RPS6KC1: variants seen among roughly 807,000 people sequenced by gnomAD.
RPS6KC1 encodes the protein ribosomal protein S6 kinase C1.
A neutral mutation model predicts 103.8 loss-of-function variants in RPS6KC1; 54 were observed. The ratio of observed to expected loss-of-function variants is 0.52; its 90% CI spans 0.42 to 0.65. The LOEUF (loss-of-function observed/expected upper bound fraction) is 0.65. RPS6KC1 is among the 30% of genes least tolerant of loss of function. The pLI is 0.00. For missense variants in RPS6KC1, 1,151 were observed against 1,253.8 expected (o/e 0.92, Z 1.24); for synonymous variants, 439 against 438.7 (o/e 1.00, Z -0.01).
chr1:213,741,357 C>T, the RPS6KC1 span, among the ~76,000 whole-genome samples: 1 of 152,090 alleles, frequency 6.6e-6, no homozygotes, highest in Non-Finnish European at 1.5e-5. Flanking sequence ...AATACATCTG[C>T]GTTTGTAGCT....
At chr1:213,741,823 C>T in the RPS6KC1 span, among the ~76,000 whole-genome samples, 106 of 152,116 alleles carry the variant, frequency 7.0e-4, 2 homozygotes, top group South Asian at 0.016. Context: ...CTGCATGACC[C>T]GATGCAGAGC....
chr1:213,723,688 A>G, the RPS6KC1 span, among the ~76,000 whole-genome samples: 1 of 152,162 alleles, frequency 6.6e-6, no homozygotes, highest in Non-Finnish European at 1.5e-5. Flanking sequence ...GACTTTGGGC[A>G]AAGTCAAATT....
chr1:213,685,131 A>G, the RPS6KC1 span, among the ~76,000 whole-genome samples: 2 of 152,154 alleles, frequency 1.3e-5, no homozygotes, highest in Admixed American at 6.5e-5. Context: ...TGTCAACATT[A>G]CATGCTTGAG....
At chr1:213,133,601 AC>A (rs1572736602) in intron 6 of RPS6KC1, among the ~76,000 whole-genome samples, 1 of 152,244 alleles carries the variant, frequency 6.6e-6, no homozygotes, top group East Asian at 1.9e-4. Flanking sequence ...TGTTAGTAAC[AC>A]CCATCTGTGG....
At chr1:213,500,300 A>G in the RPS6KC1 span, among the ~76,000 whole-genome samples, 1 of 152,122 alleles carries the variant, frequency 6.6e-6, no homozygotes, top group Non-Finnish European at 1.5e-5. Context: ...CACCAATATC[A>G]CCATCTTCAT....
the RPS6KC1 span, among the ~76,000 whole-genome samples, chr1:213,758,938 T>C: frequency 1.4e-4 from 19 of 135,996 alleles, no homozygotes; most frequent in African/African-American, 4.9e-4. Context: ...TAAACTTAGT[T>C]GATAAGGCAG....
chr1:213,485,958 T>C, the RPS6KC1 span, among the ~76,000 whole-genome samples: 1 of 152,166 alleles, frequency 6.6e-6, no homozygotes, highest in Non-Finnish European at 1.5e-5. Context: ...CTCTCACCCT[T>C]CTGCTTCCTC....
At chr1:213,257,671 GTGT>G (rs2094680699) in intron 12 of RPS6KC1, among the ~76,000 whole-genome samples, 8 of 151,650 alleles carry the variant, frequency 5.3e-5, no homozygotes, top group Admixed American at 5.3e-4. Context: ...TTATTGCAAT[GTGT>G]ACCTACTGTG....
chr1:213,629,786 CA>C, the RPS6KC1 span, among the ~76,000 whole-genome samples: 524 of 152,230 alleles, frequency 3.4e-3, 8 homozygotes, highest in Non-Finnish European at 2.5e-3. Flanking sequence ...CTGGTGGTGA[CA>C]AAATCTCTCA....
At chr1:213,689,315 C>T in the RPS6KC1 span, among the ~76,000 whole-genome samples, 1 of 152,230 alleles carries the variant, frequency 6.6e-6, no homozygotes, top group Non-Finnish European at 1.5e-5. Flanking sequence ...TTCGGTACTT[C>T]CAAAGCACTA....
the RPS6KC1 span, among the ~76,000 whole-genome samples, chr1:213,725,579 G>A: frequency 6.6e-6 from 1 of 152,184 alleles, no homozygotes; most frequent in Non-Finnish European, 1.5e-5. Flanking sequence ...GAAATCCAGA[G>A]CCCTTTACTC....
At chr1:213,614,131 A>G in the RPS6KC1 span, among the ~76,000 whole-genome samples, 2 of 152,332 alleles carry the variant, frequency 1.3e-5, no homozygotes, top group East Asian at 1.9e-4. Context: ...CGCAGCTACA[A>G]TAGTAGCTGA....
chr1:213,319,830 T>A, the RPS6KC1 span, among the ~76,000 whole-genome samples: 2 of 152,202 alleles, frequency 1.3e-5, no homozygotes, highest in African/African-American at 4.8e-5. Flanking sequence ...AAATCTGGAT[T>A]CTCCTGATTG....
intron 8 of RPS6KC1, among the ~76,000 whole-genome samples, chr1:213,196,722 C>T (rs2092961367): frequency 6.6e-6 from 1 of 152,154 alleles, no homozygotes; most frequent in African/African-American, 2.4e-5. Flanking sequence ...ATCCCAGCAC[C>T]ATTTGTTGAC....
chr1:213,051,545 T>C, intron 1 of RPS6KC1, 36 bp downstream of exon 1: 1 of 1,482,706 alleles, frequency 6.7e-7, no homozygotes, highest in Non-Finnish European at 9.3e-7. Context: ...AGAGCTTGGA[T>C]TGGGACCTGA....
chr1:213,763,475 C>T, the RPS6KC1 span, among the ~76,000 whole-genome samples: 1 of 152,172 alleles, frequency 6.6e-6, no homozygotes, highest in Admixed American at 6.5e-5. Context: ...AAAAGGGTAA[C>T]ATGGACCCAA....
chr1:213,564,295 C>G, the RPS6KC1 span, among the ~76,000 whole-genome samples: 1 of 152,230 alleles, frequency 6.6e-6, no homozygotes, highest in East Asian at 1.9e-4. Flanking sequence ...TTTATTGCTT[C>G]TTAGCTCTGA....
At chr1:213,511,503 T>A in the RPS6KC1 span, among the ~76,000 whole-genome samples, 1 of 152,196 alleles carries the variant, frequency 6.6e-6, no homozygotes, top group East Asian at 1.9e-4. Context: ...AGTGGGGAGA[T>A]GCTAATGTAG....
At chr1:213,722,740 G>T in the RPS6KC1 span, among the ~76,000 whole-genome samples, 1 of 152,158 alleles carries the variant, frequency 6.6e-6, no homozygotes, top group Non-Finnish European at 1.5e-5. Context: ...TGTCTGTCCT[G>T]CCTGCCCAGA....
Sources: allele counts gnomAD v4.1 joint callset (sites outside exome capture counted in the v4.1 genomes callset), GRCh38; gene constraint gnomAD v4.1.1; transcripts MANE v1.5; gene names NCBI Gene and HGNC (gene_info 2026-07-23, HGNC 2026-07-21).